Variants in GGACT observed in about 807,000 individuals in gnomAD.
GGACT encodes the protein gamma-glutamylaminecyclotransferase.
For missense variants in GGACT, 241 were observed against 233.2 expected (o/e 1.03, Z -0.22); for synonymous variants, 118 against 115.3 (o/e 1.02, Z -0.15).
Position 100,532,443 on chromosome 13 carries a change from ATGT to A in GGACT, c.146_148del (p.Asn49del). 1 of 1,549,822 alleles carries A rather than the reference ATGT, an allele frequency of 6.5e-7. No homozygotes were observed. The highest frequency in any genetic ancestry group is 1.2e-5 in the South Asian group (1 of 84,042). On this transcript the variant is annotated inframe_deletion, in exon 3 of 3. Coordinates refer to ENST00000683975, the MANE Select transcript of GGACT (RefSeq NM_001195087.2). ...GCCGGGCAGGTGCAGCAGCCACGGGATGTTGTGCTCCCCCGCGATCACCAACGG... is the reference window on the plus strand; with the variant it reads ...GCCGGGCAGGTGCAGCAGCCACGGGATGTGCTCCCCCGCGATCACCAACGG...
At chr13:100,541,698 A>T (rs2088556688) in intron 2 of GGACT, 1 of 152,266 alleles carries the variant, frequency 6.6e-6, no homozygotes, top group Non-Finnish European at 1.5e-5. Flanking sequence ...GATATTACGT[A>T]GAAATGAAGG....
At chr13:100,542,345 C>T (rs1040863843) in intron 2 of GGACT, among the ~76,000 whole-genome samples, 5 of 152,254 alleles carry the variant, frequency 3.3e-5, no homozygotes, top group East Asian at 3.9e-4. Flanking sequence ...GGGGAGAGCA[C>T]GGTTTGTGCC....
In GGACT at chr13:100,532,123, G is replaced by A. The variant is rs1478826944; in HGVS notation, c.*7C>T. 2.8e-6 allele frequency: 4 copies of A among 1,432,418 alleles called. No homozygotes were observed. Among genetic ancestry groups the A allele is most frequent in the Admixed American group, 2.9e-5 (1 of 34,250 alleles). The allele number at this position is 1,432,418 out of a possible 1,614,324, so 88.7% of individuals were successfully genotyped here. ...TCTCAAACCTAGGCCCACCCTGCCC[G>A]TCCCCCTTATCTGTTCTCCCGGGGG... On this transcript the variant is annotated 3_prime_UTR_variant, in exon 3 of 3. Transcript: ENST00000683975.
intron 2 of GGACT, among the ~76,000 whole-genome samples, chr13:100,575,019 T>C (rs1875207733): frequency 6.6e-6 from 1 of 152,202 alleles, no homozygotes; most frequent in Admixed American, 6.5e-5. Flanking sequence ...AGCTCAGTTT[T>C]TCCTTTGTGA....
rs576161860 is a variant in GGACT at position 100,551,202 on chromosome 13, T to C, written c.-10-18601A>G. ...GGGAGGCTGAGGCAGGAGAATGGCA[T>C]GAATCCGGGAGGTGGAGCTTGCAGT... On this transcript the variant is annotated intron_variant, in intron 2 of 2. Transcript: ENST00000683975. Among the ~76,000 whole-genome samples, 58 of 151,856 alleles carry C rather than the reference T, an allele frequency of 3.8e-4. No individual in the cohort carries two copies. The South Asian group carries it at 0.012, about 31-fold the overall frequency.
intron 2 of GGACT, among the ~76,000 whole-genome samples, chr13:100,544,249 G>C (rs1301542523): frequency 6.6e-6 from 1 of 152,188 alleles, no homozygotes; most frequent in Non-Finnish European, 1.5e-5. Flanking sequence ...AAGTTTCTTA[G>C]AACTGTAGGA....
intron 2 of GGACT, among the ~76,000 whole-genome samples, chr13:100,567,853 GA>G (rs1254824034): frequency 1.3e-5 from 2 of 152,214 alleles, no homozygotes; most frequent in Non-Finnish European, 2.9e-5. Context: ...CCACTAGCCT[GA>G]ATGCAGTTAT....
intron 2 of GGACT, among the ~76,000 whole-genome samples, chr13:100,573,382 TAA>T (rs779322616): frequency 3.7e-4 from 56 of 152,328 alleles, no homozygotes; most frequent in Middle Eastern, 3.4e-3. Context: ...GCCAGAAGTT[TAA>T]AAGAGACCCA....
At chr13:100,562,672 G>A (rs1053963298) in intron 2 of GGACT, among the ~76,000 whole-genome samples, 4 of 151,928 alleles carry the variant, frequency 2.6e-5, no homozygotes, top group African/African-American at 7.2e-5. Context: ...GGTGCATGCC[G>A]GTAATCCCAG....
intron 2 of GGACT, chr13:100,537,010 T>C (rs2088501467): frequency 6.6e-6 from 1 of 152,378 alleles, no homozygotes; most frequent in Non-Finnish European, 1.5e-5. Context: ...AGCTGACTAC[T>C]TGTCAGCCTC....
chr13:100,543,624 A>C (rs565051345), intron 2 of GGACT, among the ~76,000 whole-genome samples: 1 of 152,368 alleles, frequency 6.6e-6, no homozygotes, highest in African/African-American at 2.4e-5. Flanking sequence ...TCATCATGTC[A>C]AAGCATCTGT....
chr13:100,534,011 A>T lies in GGACT; in HGVS notation c.-10-1410T>A, dbSNP rs1180512488. Among the ~76,000 whole-genome samples the T allele has an allele frequency of 6.6e-6, 1 of 152,250 alleles. No individual in the cohort carries two copies. Among genetic ancestry groups the T allele is most frequent in the East Asian group, 1.9e-4 (1 of 5,192 alleles). ...ACAGCAGCGGCTCGTGACCCGCCAG[A>T]AATGGCCCCGGACACCACACTTGCC... is the stretch of plus-strand genomic sequence containing the variant. On this transcript the variant is annotated intron_variant, in intron 2 of 2. Coordinates refer to ENST00000683975, the MANE Select transcript of GGACT (RefSeq NM_001195087.2). This position sits in a 1 kb window ranked among gnomAD's most constrained non-coding sequence, Gnocchi z 4.9.
At chr13:100,580,001 C>T (rs1875366927) in intron 2 of GGACT, 1 of 152,224 alleles carries the variant, frequency 6.6e-6, no homozygotes, top group Admixed American at 6.5e-5. Flanking sequence ...CCCAAAGCCC[C>T]CTCCCTTCAG....
At chr13:100,581,515 T>C (rs1875415864) in intron 2 of GGACT, among the ~76,000 whole-genome samples, 1 of 152,222 alleles carries the variant, frequency 6.6e-6, no homozygotes, top group Non-Finnish European at 1.5e-5. Context: ...TATAAGTATC[T>C]GTGAGTCCAT....
intron 2 of GGACT, among the ~76,000 whole-genome samples, chr13:100,542,263 C>T (rs1263531529): frequency 6.6e-6 from 1 of 152,128 alleles, no homozygotes; most frequent in Non-Finnish European, 1.5e-5. Flanking sequence ...AGCCGCTGAC[C>T]CCCCCAGCAA....
intron 2 of GGACT, chr13:100,579,000 G>A (rs1244185108): frequency 1.3e-5 from 2 of 152,182 alleles, no homozygotes; most frequent in East Asian, 3.9e-4. Context: ...ATAATATGGG[G>A]AGTATTCCCG....
chr13:100,569,925 C>T (rs1010681378), intron 2 of GGACT, among the ~76,000 whole-genome samples: 26 of 152,234 alleles, frequency 1.7e-4, no homozygotes, highest in Admixed American at 2.6e-4. Flanking sequence ...TGCTCCAGTT[C>T]CCAACAAGTT....
chr13:100,542,335 G>A (rs2088563110), intron 2 of GGACT, among the ~76,000 whole-genome samples: 1 of 152,152 alleles, frequency 6.6e-6, no homozygotes, highest in Admixed American at 6.5e-5. Context: ...TGGAAACGTT[G>A]GGGAGAGCAC....
intron 2 of GGACT, among the ~76,000 whole-genome samples, chr13:100,566,577 C>T (rs1490156929): frequency 1.3e-5 from 2 of 152,378 alleles, no homozygotes; most frequent in Admixed American, 1.3e-4. Flanking sequence ...GTCCCCTTTA[C>T]CAGATCCCTG....
Sources: gnomAD v4.1 joint callset for allele counts (sites outside exome capture counted in the v4.1 genomes callset) on GRCh38, gnomAD v4.1.1 for gene constraint, Gnocchi (gnomAD v3.1) non-coding constraint, MANE v1.5 for transcripts, NCBI Gene and HGNC (gene_info 2026-07-23, HGNC 2026-07-21) for gene names.